The following MYO1D variants were observed in gnomAD, a reference collection of about 807,000 sequenced individuals.
MYO1D encodes the protein unconventional myosin-Id.
In MYO1D, 83 loss-of-function variants were observed where a neutral mutation model predicts 122.0. The observed-to-expected ratio is 0.68, with a 90% confidence interval of 0.57 to 0.82. The LOEUF is 0.82. Ranked by LOEUF, MYO1D falls within the 40% of genes least tolerant of loss-of-function variation. MYO1D has a pLI of 0.00. For missense variants in MYO1D, 1,157 were observed against 1,269.5 expected, an observed-to-expected ratio of 0.91 and a Z score of 1.35; for synonymous variants, 464 against 446.9, an observed-to-expected ratio of 1.04 and a Z score of -0.48.
intron 21 of MYO1D, among the ~76,000 whole-genome samples, chr17:32,559,608 T>C (rs1473951276): frequency 6.6e-6 from 1 of 152,228 alleles, no homozygotes; most frequent in Non-Finnish European, 1.5e-5. Flanking sequence ...GCCCCAGAGT[T>C]GTTCTCAATC....
chr17:32,839,969 C>T (rs1015737258), intron 1 of MYO1D, among the ~76,000 whole-genome samples: 1 of 152,150 alleles, frequency 6.6e-6, no homozygotes, highest in African/African-American at 2.4e-5. Flanking sequence ...AAAGCCGTCT[C>T]CTTTTAGAAA....
intron 16 of MYO1D, among the ~76,000 whole-genome samples, chr17:32,697,204 C>T (rs1318318880): frequency 6.6e-6 from 1 of 152,144 alleles, no homozygotes; most frequent in African/African-American, 2.4e-5. Context: ...TTGTCTTGTT[C>T]CTTTTCATGT....
chr17:32,548,261 C>G (rs77652794), intron 21 of MYO1D, among the ~76,000 whole-genome samples: 1 of 151,500 alleles, frequency 6.6e-6, no homozygotes. Flanking sequence ...TTTTTTGTCT[C>G]TACAAAAAAT....
At chr17:32,846,497 T>G (rs1423574723) in intron 1 of MYO1D, among the ~76,000 whole-genome samples, 1 of 152,226 alleles carries the variant, frequency 6.6e-6, no homozygotes, top group Non-Finnish European at 1.5e-5. Context: ...AATCTAATTT[T>G]GTGCTTTGTG....
At chr17:32,580,641 C>T (rs2087329421) in intron 21 of MYO1D, among the ~76,000 whole-genome samples, 1 of 151,990 alleles carries the variant, frequency 6.6e-6, no homozygotes, top group Admixed American at 6.6e-5. Flanking sequence ...GAACTCCTGA[C>T]CTCGTGATCT....
chr17:32,554,214 T>C (rs1391684170), intron 21 of MYO1D, among the ~76,000 whole-genome samples: 1 of 145,186 alleles, frequency 6.9e-6, no homozygotes, highest in Non-Finnish European at 1.5e-5. Flanking sequence ...CCCCTGCCCC[T>C]GCCCCTACCT....
At chr17:32,581,841 C>T (rs2087344238) in intron 21 of MYO1D, among the ~76,000 whole-genome samples, 1 of 152,022 alleles carries the variant, frequency 6.6e-6, no homozygotes, top group Non-Finnish European at 1.5e-5. Context: ...TCTCGGCTCA[C>T]CGCAACCTCT....
intron 12 of MYO1D, among the ~76,000 whole-genome samples, chr17:32,746,028 A>T (rs2089834173): frequency 6.6e-6 from 1 of 152,224 alleles, no homozygotes; most frequent in Admixed American, 6.5e-5. Flanking sequence ...GGAACTTTAG[A>T]CACAGCTACA....
chr17:32,540,308 T>C (rs1910796648), intron 21 of MYO1D, among the ~76,000 whole-genome samples: 1 of 108,146 alleles, frequency 9.2e-6, no homozygotes, highest in Non-Finnish European at 1.7e-5. Context: ...CCAGTCTAGG[T>C]GACAGAGAGA....
chr17:32,876,830 C>A lies in MYO1D; in HGVS notation c.43G>T (p.Val15Leu). The A allele has an allele frequency of 3.3e-6, 5 of 1,524,204 alleles. No homozygotes were observed. Among genetic ancestry groups the A allele is most frequent in the Non-Finnish European group, 4.4e-6 (5 of 1,136,334 alleles). The allele number at this position is 1,524,204 out of a possible 1,614,324, so 94.4% of individuals were successfully genotyped here. ...ESLEFGKADF[V>L]LMDTVSMPEF... The stretch of plus-strand genomic sequence containing the variant: ...GGCATGGAGACGGTGTCCATCAGCA[C>A]GAAGTCTGCCTTGCCGAATTCCAGG... Residue 15 changes from valine to leucine, a missense_variant, in exon 1 of 22, where the codon GTG becomes TTG. Physicochemically the swap from Val to Leu is conservative, Grantham distance 32. Transcript: ENST00000318217.
At chr17:32,607,824 A>G (rs1023267583) in intron 20 of MYO1D, among the ~76,000 whole-genome samples, 1 of 152,178 alleles carries the variant, frequency 6.6e-6, no homozygotes, top group Admixed American at 6.5e-5. Flanking sequence ...CATAGATCAG[A>G]AACAGACTCA....
At chr17:32,728,651 TATGTTGAAA>T (rs1417190145) in intron 14 of MYO1D, among the ~76,000 whole-genome samples, 1 of 152,204 alleles carries the variant, frequency 6.6e-6, no homozygotes, top group African/African-American at 2.4e-5. Flanking sequence ...GAAAATCCTA[TATGTTGAAA>T]ATTAAGAAAA....
At chr17:32,525,485 T>C (rs1042625847) in intron 21 of MYO1D, among the ~76,000 whole-genome samples, 44 of 152,196 alleles carry the variant, frequency 2.9e-4, no homozygotes, top group Non-Finnish European at 5.6e-4. Flanking sequence ...CCAAGAACTT[T>C]TTTTTTTCTT....
intron 1 of MYO1D, among the ~76,000 whole-genome samples, chr17:32,809,039 T>G (rs1005176427): frequency 4.0e-5 from 6 of 151,672 alleles, no homozygotes; most frequent in African/African-American, 1.5e-4. Context: ...ATATTTAGGG[T>G]AGATTTGAGA....
chr17:32,715,056 A>G (rs1268751435), intron 15 of MYO1D, among the ~76,000 whole-genome samples: 1 of 152,238 alleles, frequency 6.6e-6, no homozygotes, highest in Admixed American at 6.5e-5. Flanking sequence ...CCAACATATG[A>G]AAAATAGCTC....
chr17:32,875,323 T>C (rs556050220), intron 1 of MYO1D, among the ~76,000 whole-genome samples: 2 of 152,346 alleles, frequency 1.3e-5, no homozygotes, highest in East Asian at 3.9e-4. Flanking sequence ...ATCTATTTTA[T>C]GTGCACTTGG....
chr17:32,814,098 C>T (rs552358444), intron 1 of MYO1D, among the ~76,000 whole-genome samples: 1 of 152,282 alleles, frequency 6.6e-6, no homozygotes, highest in African/African-American at 2.4e-5. Context: ...GTAATCCCAG[C>T]ACTCTGGGAG....
intron 20 of MYO1D, among the ~76,000 whole-genome samples, chr17:32,622,719 A>G (rs369760496): frequency 6.6e-6 from 1 of 152,224 alleles, no homozygotes; most frequent in Admixed American, 6.5e-5. Context: ...TGATTTCTAC[A>G]GGCATGGGAT....
chr17:32,604,957 G>A, intron 21 of MYO1D, 130 bp downstream of exon 21: 1 of 860,008 alleles, frequency 1.2e-6, no homozygotes, highest in Non-Finnish European at 1.7e-6. Context: ...CGAAACAGAT[G>A]ATTTAAGTTG....
Sources: allele counts gnomAD v4.1 joint callset (sites outside exome capture counted in the v4.1 genomes callset), GRCh38; gene constraint gnomAD v4.1.1; transcripts MANE v1.5; gene names NCBI Gene and HGNC (gene_info 2026-07-23, HGNC 2026-07-21).